Variants in CNOT4 observed in about 807,000 individuals in gnomAD.
The protein encoded by CNOT4 is CCR4-associated factor 4.
Under a neutral mutation model 73.8 loss-of-function variants are expected in CNOT4, and 8 were observed. The ratio of observed to expected loss-of-function variants is 0.11; its 90% CI spans 0.06 to 0.20. The LOEUF is 0.20. Ranked by LOEUF, CNOT4 falls within the 10% of genes least tolerant of loss-of-function variation. The pLI is 1.00. For missense variants in CNOT4, 564 were observed against 883.4 expected, an observed-to-expected ratio of 0.64 and a Z score of 4.58; for synonymous variants, 293 against 321.1, an observed-to-expected ratio of 0.91 and a Z score of 0.94.
intron 1 of CNOT4, among the ~76,000 whole-genome samples, chr7:135,502,022 T>C (rs1804001030): frequency 6.6e-6 from 1 of 152,210 alleles, no homozygotes; most frequent in Non-Finnish European, 1.5e-5. Flanking sequence ...CTGCCCTCTC[T>C]GTTCTTGTTC....
intron 1 of CNOT4, among the ~76,000 whole-genome samples, chr7:135,480,597 C>A (rs1802308206): frequency 6.6e-6 from 1 of 152,050 alleles, no homozygotes; most frequent in South Asian, 2.1e-4. Context: ...TGCTCTGTTG[C>A]CCAGCCTGGA....
chr7:135,428,352 T>C (rs1324881791), intron 2 of CNOT4, among the ~76,000 whole-genome samples: 2 of 151,846 alleles, frequency 1.3e-5, no homozygotes, highest in African/African-American at 4.8e-5. Context: ...CACAAAGAAA[T>C]ACAACAACAT....
At chr7:135,445,011 G>A in intron 1 of CNOT4, 1 of 823,376 alleles carries the variant, frequency 1.2e-6, no homozygotes, top group Non-Finnish European at 2.1e-6. Flanking sequence ...TCACAATAAG[G>A]AAGAAATAAC....
rs530089611 is a variant in CNOT4, at chr7:135,398,061, T to C, written c.879+108A>G. On this transcript the variant is annotated intron_variant, in intron 8 of 11. Coordinates refer to ENST00000541284, the MANE Select transcript of CNOT4 (RefSeq NM_001190850.2). ...GATTAATAAAGATGAGCATCAAAAG[T>C]GTTTTTAAATTGTGTCAGTAAAGTA... The C allele has an allele frequency of 3.0e-5, 21 of 695,512 alleles. No homozygotes were observed. The South Asian group carries it at 3.2e-4, about 11-fold the overall frequency. The allele number at this position is 695,512 out of a possible 1,614,324, so 43.1% of individuals were successfully genotyped here.
At position 135,364,049 on chromosome 7, in the gene CNOT4, C is replaced by T; in HGVS notation, c.1645G>A (p.Glu549Lys). The change falls in exon 11 of 12, where the codon GAG becomes AAG. Residue 549 changes from glutamate to lysine, a missense_variant. Physicochemically the swap from Glu to Lys is moderately conservative, Grantham distance 56 (BLOSUM62 1). Transcript: ENST00000541284. The surrounding 1 kb of genome is among the most constrained non-coding windows in gnomAD (Gnocchi z 4.3). ...IPVADNSSSV[E>K]SLNMKEWQDG... ...TGCCATTCCTTCATATTTAAACTCT[C>T]TACAGAACTGCTGTTGTCTGGGAGA... 1 of 1,594,956 alleles carries T rather than the reference C, an allele frequency of 6.3e-7. No homozygotes were observed. The highest frequency in any genetic ancestry group is 8.5e-7 in the Non-Finnish European group (1 of 1,177,826).
chr7:135,420,098 C>T (rs1301058362), intron 3 of CNOT4, among the ~76,000 whole-genome samples: 6 of 151,640 alleles, frequency 4.0e-5, no homozygotes, highest in African/African-American at 1.5e-4. Flanking sequence ...ACTTAGAATC[C>T]AAATATCATA....
In CNOT4 at chr7:135,448,559, G is replaced by GGGAGGGAAGGAA. The variant is rs1554437787; in HGVS notation, c.-92-10137_-92-10136insTTCCTTCCCTCC. On this transcript the variant is annotated intron_variant, in intron 1 of 11. Coordinates refer to ENST00000541284, the MANE Select transcript of CNOT4 (RefSeq NM_001190850.2). ...AAAAAAAAAGGGAGGGAGGGAGGGA[G>GGGAGGGAAGGAA]GGAAGGAAGGAAGGAAGGAAGGACC... is the stretch of plus-strand genomic sequence containing the variant. Among the ~76,000 whole-genome samples the GGGAGGGAAGGAA allele has an allele frequency of 1.3e-3, 197 of 148,416 alleles. 1 individual carries two copies. Among genetic ancestry groups the GGGAGGGAAGGAA allele is most frequent in the African/African-American group, 4.7e-3 (185 of 39,444 alleles).
At chr7:135,494,363 G>C (rs1803316072) in intron 1 of CNOT4, among the ~76,000 whole-genome samples, 1 of 151,344 alleles carries the variant, frequency 6.6e-6, no homozygotes, top group Non-Finnish European at 1.5e-5. Context: ...CCAGCTACTC[G>C]GGAGGCTGAG....
At chr7:135,480,272 A>G (rs1802287858) in intron 1 of CNOT4, among the ~76,000 whole-genome samples, 1 of 152,222 alleles carries the variant, frequency 6.6e-6, no homozygotes, top group African/African-American at 2.4e-5. Flanking sequence ...GCCCAGTGCC[A>G]AAACTTGATC....
chr7:135,445,234 C>T (rs1799749635), intron 1 of CNOT4, among the ~76,000 whole-genome samples: 1 of 152,124 alleles, frequency 6.6e-6, no homozygotes, highest in African/African-American at 2.4e-5. Context: ...TTTAATTTAT[C>T]AATCTCTTAA....
At chr7:135,389,123 C>A (rs1446955401) in intron 10 of CNOT4, among the ~76,000 whole-genome samples, 3 of 42,980 alleles carry the variant, frequency 7.0e-5, no homozygotes, top group African/African-American at 1.9e-4. Flanking sequence ...GAGATAAGAA[C>A]AAATACAATA....
intron 10 of CNOT4, chr7:135,386,366 T>C (rs1796119047): frequency 6.6e-6 from 1 of 152,142 alleles, no homozygotes; most frequent in Non-Finnish European, 1.5e-5. Context: ...TGTAAAAGTA[T>C]ATTAAGTTTC....
intron 1 of CNOT4, among the ~76,000 whole-genome samples, chr7:135,495,669 CAAAAAAAAA>C (rs1198174318): frequency 3.1e-5 from 1 of 31,876 alleles, no homozygotes; most frequent in Non-Finnish European, 5.5e-5. Context: ...GACCCTGTGT[CAAAAAAAAA>C]AAAAAAAAAA....
intron 1 of CNOT4, among the ~76,000 whole-genome samples, chr7:135,466,389 G>A (rs552558600): frequency 2.7e-4 from 41 of 149,122 alleles, no homozygotes; most frequent in Middle Eastern, 3.5e-3. Flanking sequence ...TATGAGAATC[G>A]CCTGAACCCA....
chr7:135,490,595 A>G (rs1164251530), intron 1 of CNOT4, among the ~76,000 whole-genome samples: 3 of 152,180 alleles, frequency 2.0e-5, no homozygotes, highest in African/African-American at 7.2e-5. Context: ...AGTGTTAGTG[A>G]GGAGAAAAGA....
At chr7:135,409,295 T>A (rs1386327247) in intron 7 of CNOT4, among the ~76,000 whole-genome samples, 1 of 152,172 alleles carries the variant, frequency 6.6e-6, no homozygotes, top group Non-Finnish European at 1.5e-5. Flanking sequence ...AAGGAAAAGA[T>A]CAAAGCTTGT....
In CNOT4 at chr7:135,395,684, G is replaced by A; in HGVS notation, c.1079C>T (p.Thr360Ile). The change falls in exon 9 of 12, where the codon ACA becomes ATA. Residue 360 changes from threonine to isoleucine, a missense_variant. Physicochemically the swap from Thr to Ile is moderately conservative, Grantham distance 89. Transcript: ENST00000541284. Reference protein sequence around the residue: ...GLPPFPSSPQTSSDWPTAPEP... With the variant: ...GLPPFPSSPQISSDWPTAPEP... Reference sequence around the variant, plus strand: ...TGGTGCTGTAGGCCAGTCACTGGATGTCTGTGGGGAGCTGGGGAAAGGAGG... The same window carrying A: ...TGGTGCTGTAGGCCAGTCACTGGATATCTGTGGGGAGCTGGGGAAAGGAGG... 2 of 1,614,160 alleles carry A rather than the reference G, an allele frequency of 1.2e-6. No homozygotes were observed. The highest frequency in any genetic ancestry group is 8.5e-7 in the Non-Finnish European group (1 of 1,180,010).
intron 1 of CNOT4, among the ~76,000 whole-genome samples, chr7:135,500,975 T>C (rs954501676): frequency 1.0e-4 from 15 of 149,882 alleles, no homozygotes; most frequent in African/African-American, 3.7e-4. Context: ...AGCTATTTTC[T>C]ACTAAACCTT....
intron 10 of CNOT4, among the ~76,000 whole-genome samples, chr7:135,391,515 C>G (rs1286007863): frequency 6.6e-6 from 1 of 151,770 alleles, no homozygotes; most frequent in Non-Finnish European, 1.5e-5. Context: ...AAGTTGGTGA[C>G]TACATTTTTA....
Sources: allele counts gnomAD v4.1 joint callset (sites outside exome capture counted in the v4.1 genomes callset), GRCh38; gene constraint gnomAD v4.1.1; non-coding constraint Gnocchi (gnomAD v3.1); transcripts MANE v1.5; gene names NCBI Gene and HGNC (gene_info 2026-07-23, HGNC 2026-07-21).